The following FAR1 variants were observed in gnomAD, a reference collection of about 807,000 sequenced individuals.
FAR1 encodes male sterility domain-containing protein 2.
Under a neutral mutation model 61.1 loss-of-function variants are expected in FAR1, and 22 were observed. That is an observed-to-expected ratio of 0.36 (90% confidence interval 0.26 to 0.51). The LOEUF is 0.51. Among genes scored for constraint, FAR1 ranks in the 20% least tolerant of loss-of-function variants. The probability of loss-of-function intolerance (pLI) is 0.95; values close to 1 mark genes in which losing one functional copy is unlikely to be tolerated. For synonymous variants in FAR1, 206 were observed against 209.7 expected, an observed-to-expected ratio of 0.98 and a Z score of 0.15; for missense variants, 359 against 626.9, an observed-to-expected ratio of 0.57 and a Z score of 4.56.
intron 1 of FAR1, among the ~76,000 whole-genome samples, chr11:13,680,469 A>G (rs529091626): frequency 6.6e-6 from 1 of 152,278 alleles, no homozygotes; most frequent in South Asian, 2.1e-4. Context: ...AAGCTGGGTA[A>G]TTTGTAAAGA....
chr11:13,676,569 A>T (rs12362942), intron 1 of FAR1, among the ~76,000 whole-genome samples: 1 of 152,154 alleles, frequency 6.6e-6, no homozygotes, highest in Admixed American at 6.5e-5. Context: ...GCCCTGAGAT[A>T]CAAGTGCTCA....
intron 2 of FAR1, among the ~76,000 whole-genome samples, chr11:13,699,213 C>T (rs142174977): frequency 9.2e-5 from 14 of 152,180 alleles, no homozygotes; most frequent in African/African-American, 2.4e-4. Context: ...TATGCAGGCC[C>T]GTAACACTTA....
chr11:13,719,954 G>T (rs1381225067), intron 9 of FAR1: 1 of 152,174 alleles, frequency 6.6e-6, no homozygotes, highest in Non-Finnish European at 1.5e-5. Flanking sequence ...TGGCAATGTA[G>T]TCATAAACAT....
intron 1 of FAR1, among the ~76,000 whole-genome samples, chr11:13,691,623 A>C (rs540197279): frequency 6.6e-6 from 1 of 152,344 alleles, no homozygotes; most frequent in Non-Finnish European, 1.5e-5. Flanking sequence ...GGAATCATAT[A>C]GTATGTGACC....
chr11:13,723,362 C>CA (rs71313446), intron 10 of FAR1: 65,087 of 253,306 alleles, frequency 0.26, 4,030 homozygotes, highest in Admixed American at 0.31. Flanking sequence ...GAGAGTCTCT[C>CA]AAAAAAAAAA....
chr11:13,711,715 C>A, intron 5 of FAR1, 49 bp from the exon 6 acceptor site: 1 of 1,342,356 alleles, frequency 7.4e-7, no homozygotes, highest in Non-Finnish European at 1.1e-6. Context: ...AAATCTCTAG[C>A]TTCATAATGT....
At chr11:13,692,712 A>G (rs543773536) in intron 1 of FAR1, among the ~76,000 whole-genome samples, 2 of 152,212 alleles carry the variant, frequency 1.3e-5, no homozygotes, top group East Asian at 1.9e-4. Context: ...TTAATAGTCT[A>G]TTTATTTACT....
chr11:13,704,062 AAAGT>A (rs1274340268), intron 3 of FAR1, among the ~76,000 whole-genome samples: 2 of 151,826 alleles, frequency 1.3e-5, no homozygotes, highest in African/African-American at 4.8e-5. Flanking sequence ...AAAAAAAAAA[AAAGT>A]GAGAGGAGAA....
Position 13,727,689 on chromosome 11 carries a change from T to G in FAR1, c.1385+6T>G. On this transcript the variant is annotated splice_donor_region_variant and intron_variant, in intron 11 of 11. Transcript: ENST00000354817. ...GCCAGAAAACATCTGAACAAGTGAG[T>G]TTGATGCATGGATTTGATTGCTTCT... 1 of 1,593,356 alleles carries G rather than the reference T, an allele frequency of 6.3e-7. No individual in the cohort carries two copies. The highest frequency in any genetic ancestry group is 8.5e-7 in the Non-Finnish European group (1 of 1,172,108).
At chr11:13,674,258 A>C (rs1848041096) in intron 1 of FAR1, among the ~76,000 whole-genome samples, 2 of 151,502 alleles carry the variant, frequency 1.3e-5, no homozygotes, top group African/African-American at 4.9e-5. Context: ...GCAGTGAGCC[A>C]AGATAGCGCC....
intron 1 of FAR1, among the ~76,000 whole-genome samples, chr11:13,680,426 T>C (rs1471993174): frequency 6.6e-6 from 1 of 152,180 alleles, no homozygotes; most frequent in East Asian, 1.9e-4. Flanking sequence ...GAGTCTGTCT[T>C]AGTCCATTTG....
intron 1 of FAR1, among the ~76,000 whole-genome samples, chr11:13,688,635 T>C (rs910314676): frequency 6.6e-6 from 1 of 152,148 alleles, no homozygotes; most frequent in Non-Finnish European, 1.5e-5. Flanking sequence ...TTAATAAATA[T>C]TTGTTGAATA....
At chr11:13,697,630 G>A (rs770625261) in intron 2 of FAR1, among the ~76,000 whole-genome samples, 1 of 151,998 alleles carries the variant, frequency 6.6e-6, no homozygotes, top group South Asian at 2.1e-4. Flanking sequence ...GGCCAGAGAA[G>A]GGAAGAGTAT....
At chr11:13,682,279 A>C (rs1199475661) in intron 1 of FAR1, among the ~76,000 whole-genome samples, 1 of 152,228 alleles carries the variant, frequency 6.6e-6, no homozygotes, top group Non-Finnish European at 1.5e-5. Context: ...TTTAGACTGT[A>C]CTGCTTTCCC....
intron 2 of FAR1, among the ~76,000 whole-genome samples, chr11:13,697,007 C>T (rs1038289481): frequency 1.3e-5 from 2 of 152,184 alleles, no homozygotes; most frequent in African/African-American, 4.8e-5. Context: ...GGGTTATCAG[C>T]AGCATTCCTG....
At chr11:13,686,412 A>G (rs1028830762) in intron 1 of FAR1, 1 of 152,214 alleles carries the variant, frequency 6.6e-6, no homozygotes, top group African/African-American at 2.4e-5. Context: ...AGTATCTGAA[A>G]TAATCAGCTA....
intron 1 of FAR1, among the ~76,000 whole-genome samples, chr11:13,691,012 G>A (rs1848243563): frequency 6.6e-6 from 1 of 152,172 alleles, no homozygotes; most frequent in Non-Finnish European, 1.5e-5. Flanking sequence ...ATTTGTGTCT[G>A]TTTTGTGCTG....
chr11:13,721,412 A>C lies in FAR1; in HGVS notation c.1128-318A>C. The C allele has an allele frequency of 5.6e-6, 1 of 178,424 alleles. No homozygotes were observed. Among genetic ancestry groups the C allele is most frequent in the Non-Finnish European group, 1.2e-5 (1 of 85,762 alleles). 11.1% of individuals were successfully genotyped at this position (178,424 alleles called of 1,614,324 possible). ...AATTGAATCCATTCATTTGCTTAGT[A>C]TTTTATGTAGAAAATTTAAGAGTAT... On this transcript the variant is annotated intron_variant, in intron 9 of 11. Transcript: ENST00000354817. The surrounding 1 kb of genome is among the most constrained non-coding windows in gnomAD (Gnocchi z 4.2).
At chr11:13,700,542 A>ATGAGATTTTTTAAT in intron 3 of FAR1, 50 bp downstream of exon 3, 1 of 1,164,974 alleles carries the variant, frequency 8.6e-7, no homozygotes, top group South Asian at 2.2e-5. Flanking sequence ...AGTTATTAAA[A>ATGAGATTTTTTAAT]AATCTCATTT....
Sources: allele counts gnomAD v4.1 joint callset (sites outside exome capture counted in the v4.1 genomes callset), GRCh38; gene constraint gnomAD v4.1.1; non-coding constraint Gnocchi (gnomAD v3.1); transcripts MANE v1.5; gene names NCBI Gene and HGNC (gene_info 2026-07-23, HGNC 2026-07-21).